SYNJ2: variants seen among roughly 807,000 people sequenced by gnomAD.
SYNJ2 encodes polyphosphatidylinositol phosphatase SYNJ2.
Under a neutral mutation model 141.3 loss-of-function variants are expected in SYNJ2, and 116 were observed. The ratio of observed to expected loss-of-function variants is 0.82; its 90% CI spans 0.71 to 0.96. The LOEUF is 0.96. Ranked by LOEUF, SYNJ2 falls within the 40% of genes least tolerant of loss-of-function variation. The probability of loss-of-function intolerance (pLI) is 0.00; values close to 1 mark genes in which losing one functional copy is unlikely to be tolerated. For missense variants in SYNJ2, 1,873 were observed against 1,934.8 expected, an observed-to-expected ratio of 0.97 and a Z score of 0.60; for synonymous variants, 745 against 777.7, an observed-to-expected ratio of 0.96 and a Z score of 0.70.
intron 6 of SYNJ2, among the ~76,000 whole-genome samples, chr6:158,055,656 T>C (rs1780827099): frequency 6.6e-6 from 1 of 152,230 alleles, no homozygotes; most frequent in African/African-American, 2.4e-5. Flanking sequence ...GCTTATTTAA[T>C]CTAAATACTC....
At chr6:158,015,922 A>G (rs1293839280) in intron 1 of SYNJ2, among the ~76,000 whole-genome samples, 1 of 152,172 alleles carries the variant, frequency 6.6e-6, no homozygotes, top group Non-Finnish European at 1.5e-5. Context: ...TCTAAAATAT[A>G]TTTTCAGGAT....
intron 24 of SYNJ2, 50 bp from the exon 25 acceptor site, chr6:158,089,789 T>C: frequency 7.0e-7 from 1 of 1,428,034 alleles, no homozygotes. Flanking sequence ...CCCACGAGGC[T>C]GTCCTCCTGC....
intron 1 of SYNJ2, among the ~76,000 whole-genome samples, chr6:158,002,773 C>A (rs1160902637): frequency 2.0e-5 from 3 of 152,196 alleles, no homozygotes. Context: ...AAAACACAGC[C>A]CAGCCCTGCC....
chr6:158,020,937 G>C (rs73014158), intron 2 of SYNJ2, among the ~76,000 whole-genome samples: 12,032 of 152,158 alleles, frequency 0.079, 564 homozygotes, highest in South Asian at 0.19. Flanking sequence ...CTTTTTCCAG[G>C]TTCCAAGGTT....
chr6:157,997,403 A>G (rs1777673717), intron 1 of SYNJ2, among the ~76,000 whole-genome samples: 1 of 152,212 alleles, frequency 6.6e-6, no homozygotes, highest in African/African-American at 2.4e-5. Context: ...AAAGGGACAC[A>G]GGCAGACGCA....
chr6:158,058,260 A>G (rs1452115354), intron 6 of SYNJ2, among the ~76,000 whole-genome samples: 1 of 152,202 alleles, frequency 6.6e-6, no homozygotes, highest in Non-Finnish European at 1.5e-5. Flanking sequence ...TTGCACCATT[A>G]AACGATAATT....
intron 2 of SYNJ2, among the ~76,000 whole-genome samples, chr6:158,021,492 G>C (rs1170840401): frequency 2.0e-5 from 3 of 152,214 alleles, no homozygotes; most frequent in Non-Finnish European, 4.4e-5. Context: ...GTGTGGCCTG[G>C]GGACGCTGCC....
intron 1 of SYNJ2, among the ~76,000 whole-genome samples, chr6:157,992,300 C>T (rs1777470950): frequency 6.6e-6 from 1 of 151,942 alleles, no homozygotes; most frequent in African/African-American, 2.4e-5. Flanking sequence ...CCTCTGGTAA[C>T]CATCCTTCTA....
chr6:158,044,430 G>A lies in SYNJ2; in HGVS notation c.795+1031G>A, dbSNP rs574558412. Among the ~76,000 whole-genome samples the A allele has an allele frequency of 3.5e-4, 54 of 152,286 alleles. No homozygotes were observed. In the South Asian group the frequency reaches 6.4e-3, roughly 18 times the overall value. On this transcript the variant is annotated intron_variant, in intron 5 of 26. Transcript: ENST00000355585. ...AGTGAGATGGATGAATGGAGGTCTC[G>A]TTTAGGCTCCACGCTCTGGTAGGGA...
chr6:158,006,238 C>T (rs775020058), intron 1 of SYNJ2, among the ~76,000 whole-genome samples: 9 of 152,130 alleles, frequency 5.9e-5, no homozygotes, highest in Non-Finnish European at 1.2e-4. Flanking sequence ...TATGCACACA[C>T]GCACGATCCA....
Position 158,081,508 on chromosome 6 carries a change from A to G in SYNJ2, c.2863A>G (p.Lys955Glu). The G allele has an allele frequency of 6.3e-7, 1 of 1,595,744 alleles. No homozygotes were observed. Among genetic ancestry groups the G allele is most frequent in the African/African-American group, 1.4e-5 (1 of 73,838 alleles). The change falls in exon 20 of 27, where the codon AAG becomes GAG. Residue 955 changes from lysine (K) to glutamate (E), a missense_variant and splice_region_variant. By Grantham distance (56) the Lys-to-Glu change is moderately conservative (BLOSUM62 1). Coordinates refer to ENST00000355585, the MANE Select transcript of SYNJ2 (RefSeq NM_003898.4). ...ALSVLDVDGM[K>E]VKGRAVKIRP... ...CAGTGTCCTGGACGTGGACGGTATG[A>G]AGGTACGCTGTACTTGGCCACACTG...
chr6:158,043,501 C>A lies in SYNJ2; in HGVS notation c.795+102C>A. 2 of 816,548 alleles carry A rather than the reference C, an allele frequency of 2.4e-6. No homozygotes were observed. Among genetic ancestry groups the A allele is most frequent in the South Asian group, 1.6e-5 (1 of 63,040 alleles). 50.6% of individuals were successfully genotyped at this position (816,548 alleles called of 1,614,324 possible). On this transcript the variant is annotated intron_variant, in intron 5 of 26. Transcript: ENST00000355585. This position sits in a 1 kb window ranked among gnomAD's most constrained non-coding sequence, Gnocchi z 4.0. ...TTCTTTTAACACGTTCGTTTCATGGCATAGTTTCCAGTCTTTTTCCTCAGC... is the reference window on the plus strand; with the variant it reads ...TTCTTTTAACACGTTCGTTTCATGGAATAGTTTCCAGTCTTTTTCCTCAGC...
intron 17 of SYNJ2, among the ~76,000 whole-genome samples, chr6:158,077,184 G>C (rs1782357037): frequency 6.6e-6 from 1 of 152,070 alleles, no homozygotes; most frequent in African/African-American, 2.4e-5. Flanking sequence ...AGTAGAGACG[G>C]GGTTTCTCCA....
chr6:158,085,786 C>T (rs1472898297), intron 22 of SYNJ2, among the ~76,000 whole-genome samples: 3 of 152,116 alleles, frequency 2.0e-5, no homozygotes, highest in Admixed American at 6.5e-5. Flanking sequence ...GTGGTTTGGA[C>T]GCACAGCTAG....
chr6:158,039,623 C>T (rs938614939), intron 4 of SYNJ2, among the ~76,000 whole-genome samples: 2 of 152,214 alleles, frequency 1.3e-5, no homozygotes, highest in African/African-American at 4.8e-5. Flanking sequence ...CAGGAGCAGA[C>T]TGTCTGGCGC....
At chr6:158,062,486 G>A (rs1781284081) in intron 8 of SYNJ2, among the ~76,000 whole-genome samples, 1 of 152,084 alleles carries the variant, frequency 6.6e-6, no homozygotes, top group South Asian at 2.1e-4. Context: ...TAATAAAGGG[G>A]ACTGCATTAA....
At chr6:158,046,214 A>C (rs1780229493) in intron 5 of SYNJ2, among the ~76,000 whole-genome samples, 1 of 151,990 alleles carries the variant, frequency 6.6e-6, no homozygotes, top group Non-Finnish European at 1.5e-5. Context: ...CCAAAGTGCT[A>C]GGATTACAGG....
Position 158,016,257 on chromosome 6 carries a change from G to A in SYNJ2, c.128-947G>A, listed in dbSNP as rs112735812. 9.0e-3 allele frequency among the ~76,000 whole-genome samples: 1,371 copies of A among 152,276 alleles called. 17 individuals are homozygous for A. The highest frequency in any genetic ancestry group is 0.027 in the African/African-American group (1,141 of 41,548). ...GCCTCCCGAGTAGCTGGGATTACAG[G>A]CGTGTGCCACCACGCCCAGCTAATT... On this transcript the variant is annotated intron_variant, in intron 1 of 26. Transcript: ENST00000355585.
chr6:158,057,768 T>TGGG (rs1285571484), intron 6 of SYNJ2, among the ~76,000 whole-genome samples: 2 of 152,208 alleles, frequency 1.3e-5, no homozygotes, highest in Non-Finnish European at 2.9e-5. Context: ...GTGGCCACGG[T>TGGG]GGGCTCCCTC....
Sources: allele counts gnomAD v4.1 joint callset (sites outside exome capture counted in the v4.1 genomes callset), GRCh38; gene constraint gnomAD v4.1.1; non-coding constraint Gnocchi (gnomAD v3.1); transcripts MANE v1.5; gene names NCBI Gene and HGNC (gene_info 2026-07-23, HGNC 2026-07-21).